The following NRXN3 variants were observed in gnomAD, a reference collection of about 807,000 sequenced individuals.
NRXN3 encodes neurexin III.
Under a neutral mutation model 137.6 loss-of-function variants are expected in NRXN3, and 32 were observed. The ratio of observed to expected loss-of-function variants is 0.23; its 90% confidence interval spans 0.18 to 0.31. The LOEUF (loss-of-function observed/expected upper bound fraction) is 0.31. Among genes scored for constraint, NRXN3 ranks in the 10% least tolerant of loss-of-function variants. The pLI is 1.00. For missense variants in NRXN3, 1,574 were observed against 2,062.5 expected (o/e 0.76, Z 4.59); for synonymous variants, 798 against 784.5 (o/e 1.02, Z -0.29).
intron 15 of NRXN3, among the ~76,000 whole-genome samples, chr14:79,233,780 A>T (rs1414289259): frequency 6.6e-6 from 1 of 151,992 alleles, no homozygotes; most frequent in East Asian, 1.9e-4. Flanking sequence ...AGGTCCCATG[A>T]TGATCCTAGA....
At chr14:78,763,195 G>A (rs564041339) in intron 8 of NRXN3, among the ~76,000 whole-genome samples, 1 of 152,312 alleles carries the variant, frequency 6.6e-6, no homozygotes, top group South Asian at 2.1e-4. Context: ...TTTATTACAA[G>A]TGTCAACACA....
At chr14:78,675,391 A>G (rs1339586627) in intron 6 of NRXN3, among the ~76,000 whole-genome samples, 1 of 152,232 alleles carries the variant, frequency 6.6e-6, no homozygotes, top group Non-Finnish European at 1.5e-5. Flanking sequence ...AGCCCATTAT[A>G]TAGAAAGGAG....
chr14:78,908,871 G>A (rs1010629143), intron 10 of NRXN3, among the ~76,000 whole-genome samples: 3 of 152,076 alleles, frequency 2.0e-5, no homozygotes, highest in Non-Finnish European at 2.9e-5. Flanking sequence ...TTTATAAGTA[G>A]AAAACTCATT....
At chr14:79,032,860 A>G (rs1595156800) in intron 15 of NRXN3, among the ~76,000 whole-genome samples, 1 of 152,158 alleles carries the variant, frequency 6.6e-6, no homozygotes, top group African/African-American at 2.4e-5. Flanking sequence ...TTACTGCTCT[A>G]TGGTTCAGTT....
intron 10 of NRXN3, among the ~76,000 whole-genome samples, chr14:78,926,742 T>C (rs1218295062): frequency 1.6e-5 from 1 of 62,342 alleles, no homozygotes; most frequent in Non-Finnish European, 2.5e-5. Flanking sequence ...ATAAAATATA[T>C]ATTATATATT....
intron 8 of NRXN3, among the ~76,000 whole-genome samples, chr14:78,802,988 T>C (rs576906480): frequency 6.6e-6 from 1 of 152,304 alleles, no homozygotes; most frequent in South Asian, 2.1e-4. Context: ...TCTTTCCCTA[T>C]TTGAATAAAA....
At chr14:79,436,391 C>T (rs1300646701) in intron 15 of NRXN3, among the ~76,000 whole-genome samples, 1 of 152,192 alleles carries the variant, frequency 6.6e-6, no homozygotes. Flanking sequence ...TCCACAATGA[C>T]ATACTGAAAG....
chr14:78,435,772 C>A (rs996444316), intron 4 of NRXN3, among the ~76,000 whole-genome samples: 1 of 152,170 alleles, frequency 6.6e-6, no homozygotes, highest in Admixed American at 6.5e-5. Context: ...CACACATCGA[C>A]GTCCAGGGAT....
chr14:79,387,451 C>A (rs1291656129), intron 15 of NRXN3, among the ~76,000 whole-genome samples: 1 of 151,784 alleles, frequency 6.6e-6, no homozygotes, highest in East Asian at 1.9e-4. Context: ...AGTTAGGAAA[C>A]AACAGATGCT....
chr14:78,277,213 A>C (rs896765449), intron 2 of NRXN3, among the ~76,000 whole-genome samples: 3 of 152,186 alleles, frequency 2.0e-5, no homozygotes, highest in African/African-American at 7.2e-5. Context: ...GAGCTTTACA[A>C]ATCTGATTGC....
chr14:78,677,238 C>T (rs1466485426), intron 6 of NRXN3, among the ~76,000 whole-genome samples: 2 of 151,988 alleles, frequency 1.3e-5, no homozygotes, highest in African/African-American at 2.4e-5. Flanking sequence ...ATTCTAGATG[C>T]CATTATGAAC....
chr14:79,842,145 T>C (rs1194278500), intron 20 of NRXN3, among the ~76,000 whole-genome samples: 1 of 152,212 alleles, frequency 6.6e-6, no homozygotes, highest in Non-Finnish European at 1.5e-5. Context: ...TGCCTGGCGC[T>C]GTTCTGTGGA....
chr14:79,001,972 A>T (rs1202852201), intron 15 of NRXN3, among the ~76,000 whole-genome samples: 2 of 152,160 alleles, frequency 1.3e-5, no homozygotes, highest in Non-Finnish European at 2.9e-5. Flanking sequence ...TGTTACCAAT[A>T]AATAAAGCAA....
rs1028017135 is a variant in NRXN3, at chr14:79,262,779, C to T, written c.3263-204442C>T. Reference sequence around the variant, plus strand: ...AGAGAGTTCTGCATTTCAGGGAAGGCAAATGGCTATGGACATTCACAGAAA... The same window carrying T: ...AGAGAGTTCTGCATTTCAGGGAAGGTAAATGGCTATGGACATTCACAGAAA... On this transcript the variant is annotated intron_variant, in intron 15 of 20. Transcript: ENST00000335750. Among the ~76,000 whole-genome samples, 17 of 152,114 alleles carry T rather than the reference C, an allele frequency of 1.1e-4. No individual in the cohort carries two copies. In the South Asian group the frequency reaches 1.7e-3, roughly 15 times the overall value.
chr14:78,357,669 T>C lies in NRXN3; in HGVS notation c.757+59809T>C, dbSNP rs529305139. On this transcript the variant is annotated intron_variant, in intron 4 of 20. Transcript: ENST00000335750. ...ATAGCCAATACAGAAGGCCTCAATA[T>C]AGGCATGGAATAGTTAAGCTAGGTG... Among the ~76,000 whole-genome samples the C allele has an allele frequency of 1.3e-3, 201 of 152,298 alleles. 1 individual carries two copies. Among genetic ancestry groups the C allele is most frequent in the South Asian group, 6.6e-3 (32 of 4,818 alleles).
At chr14:79,136,479 A>G (rs2058241182) in intron 15 of NRXN3, among the ~76,000 whole-genome samples, 2 of 152,154 alleles carry the variant, frequency 1.3e-5, no homozygotes, top group African/African-American at 2.4e-5. Context: ...CTTCTCCTCT[A>G]CTTCTCTGTT....
At chr14:79,852,411 T>G (rs2099393731) in intron 20 of NRXN3, among the ~76,000 whole-genome samples, 1 of 152,120 alleles carries the variant, frequency 6.6e-6, no homozygotes, top group Non-Finnish European at 1.5e-5. Context: ...CCCCTAATCC[T>G]AGCTTGCTGT....
At chr14:79,488,059 G>A (rs1287013041) in intron 16 of NRXN3, among the ~76,000 whole-genome samples, 4 of 152,102 alleles carry the variant, frequency 2.6e-5, no homozygotes, top group Non-Finnish European at 5.9e-5. Context: ...GCAGGCCCCC[G>A]AGCACCAAGG....
intron 16 of NRXN3, among the ~76,000 whole-genome samples, chr14:79,517,402 C>G (rs921296218): frequency 3.3e-5 from 5 of 152,022 alleles, no homozygotes; most frequent in Non-Finnish European, 4.4e-5. Context: ...CTTTTCCTCC[C>G]CTAGTTTTTT....
Sources: allele counts gnomAD v4.1 joint callset (sites outside exome capture counted in the v4.1 genomes callset), GRCh38; gene constraint gnomAD v4.1.1; transcripts MANE v1.5; gene names NCBI Gene and HGNC (gene_info 2026-07-23, HGNC 2026-07-21).